KDM4C: variants seen among roughly 807,000 people sequenced by gnomAD.
KDM4C encodes lysine demethylase 4C.
A neutral mutation model predicts 129.3 loss-of-function variants in KDM4C; 81 were observed. The observed-to-expected ratio is 0.63, with a 90% CI of 0.52 to 0.75. KDM4C has a LOEUF of 0.75. Ranked by LOEUF, KDM4C falls within the 30% of genes least tolerant of loss-of-function variation. The probability of loss-of-function intolerance (pLI) is 0.00; values close to 1 mark genes in which losing one functional copy is unlikely to be tolerated. For synonymous variants in KDM4C, 573 were observed against 456.1 expected (o/e 1.26, Z -3.26); for missense variants, 1,457 against 1,304.0 (o/e 1.12, Z -1.81).
intron 8 of KDM4C, among the ~76,000 whole-genome samples, chr9:6,946,331 C>A (rs58770900): frequency 0.016 from 2,510 of 152,152 alleles, 72 homozygotes; most frequent in African/African-American, 0.058. Flanking sequence ...TGACACACCT[C>A]CGTGACATTT....
At chr9:6,919,218 T>TTTCTTTCTTTCTTTCTTTCTTTCTTTC (rs1563811978) in intron 8 of KDM4C, among the ~76,000 whole-genome samples, 4 of 75,988 alleles carry the variant, frequency 5.3e-5, no homozygotes, top group South Asian at 4.1e-4. Flanking sequence ...TGAATTTTCT[T>TTTCTTTCTTTCTTTCTTTCTTTCTTTC]TTTCCTTCTT....
intron 8 of KDM4C, among the ~76,000 whole-genome samples, chr9:6,909,665 T>G (rs1311388728): frequency 1.3e-5 from 2 of 152,214 alleles, no homozygotes; most frequent in Non-Finnish European, 2.9e-5. Flanking sequence ...TGGCAGACTT[T>G]GTAAAAACAT....
chr9:6,757,854 C>G, upstream of KDM4C: 2 of 985,590 alleles, frequency 2.0e-6, no homozygotes, highest in Non-Finnish European at 2.4e-6. Flanking sequence ...AACCACAGCG[C>G]GGAAGTTGAG....
intron 16 of KDM4C, among the ~76,000 whole-genome samples, chr9:7,047,257 A>T (rs1829536172): frequency 6.6e-6 from 1 of 152,090 alleles, no homozygotes; most frequent in Non-Finnish European, 1.5e-5. Flanking sequence ...TGGTCTGTTA[A>T]AACAGGGCAT....
At chr9:6,798,446 C>G (rs1010710270) in intron 2 of KDM4C, among the ~76,000 whole-genome samples, 4 of 151,934 alleles carry the variant, frequency 2.6e-5, no homozygotes, top group South Asian at 2.1e-4. Context: ...TGACTCTTAA[C>G]GAGCATGCTG....
chr9:7,139,140 T>C (rs1841501165), intron 19 of KDM4C, among the ~76,000 whole-genome samples: 1 of 152,028 alleles, frequency 6.6e-6, no homozygotes, highest in Non-Finnish European at 1.5e-5. Context: ...CCAGGCATGG[T>C]GGTATGCATC....
chr9:7,110,277 C>T (rs751789124), intron 18 of KDM4C, among the ~76,000 whole-genome samples: 7 of 152,154 alleles, frequency 4.6e-5, no homozygotes, highest in Admixed American at 3.3e-4. Context: ...GAAAGGTGCA[C>T]ATTACCATGT....
chr9:7,151,421 C>G (rs909783220), intron 19 of KDM4C, among the ~76,000 whole-genome samples: 2 of 148,372 alleles, frequency 1.3e-5, no homozygotes, highest in African/African-American at 2.5e-5. Flanking sequence ...GCCAGGCGTG[C>G]TGGCTCACAC....
intron 1 of KDM4C, among the ~76,000 whole-genome samples, chr9:6,780,357 A>G (rs1824053984): frequency 8.1e-6 from 1 of 122,768 alleles, no homozygotes; most frequent in Non-Finnish European, 1.8e-5. Context: ...GGGAATTATA[A>G]CAGTAAAAAG....
At chr9:6,730,687 G>C (rs1364728524) in intron 1 of KDM4C, among the ~76,000 whole-genome samples, 1 of 151,868 alleles carries the variant, frequency 6.6e-6, no homozygotes, top group Non-Finnish European at 1.5e-5. Flanking sequence ...GTAGCCCCCA[G>C]AATCACAGCA....
At chr9:6,903,159 C>T (rs966921436) in intron 8 of KDM4C, among the ~76,000 whole-genome samples, 5 of 152,016 alleles carry the variant, frequency 3.3e-5, no homozygotes, top group Admixed American at 3.3e-4. Context: ...TTTTGTAAGG[C>T]CTGATAATCA....
At chr9:6,792,147 C>G (rs936235343) in intron 1 of KDM4C, among the ~76,000 whole-genome samples, 6 of 151,974 alleles carry the variant, frequency 3.9e-5, no homozygotes, top group African/African-American at 1.4e-4. Context: ...TCTAGATCAG[C>G]CTGGCTAACA....
chr9:6,801,976 G>C (rs1295610577), intron 2 of KDM4C, among the ~76,000 whole-genome samples: 2 of 151,876 alleles, frequency 1.3e-5, no homozygotes, highest in Non-Finnish European at 2.9e-5. Flanking sequence ...ATGGTGGCAG[G>C]CACCTGTAAT....
chr9:6,974,548 G>A (rs570827755), intron 8 of KDM4C, among the ~76,000 whole-genome samples: 1 of 152,268 alleles, frequency 6.6e-6, no homozygotes, highest in Non-Finnish European at 1.5e-5. Flanking sequence ...AGTAGAGACG[G>A]AGTTTCACCA....
intron 1 of KDM4C, among the ~76,000 whole-genome samples, chr9:6,770,767 CTTTTTTT>C (rs753670348): frequency 1.2e-5 from 1 of 81,764 alleles, no homozygotes; most frequent in Non-Finnish European, 2.5e-5. Flanking sequence ...GATTTTGATC[CTTTTTTT>C]TTTTTTTTTT....
chr9:7,008,658 A>G (rs1822128247), intron 12 of KDM4C, among the ~76,000 whole-genome samples: 1 of 152,212 alleles, frequency 6.6e-6, no homozygotes, highest in Non-Finnish European at 1.5e-5. Context: ...CACCAGTGGA[A>G]TGTTGGTGCC....
chr9:7,069,233 AAAT>A (rs1832873203), intron 17 of KDM4C, among the ~76,000 whole-genome samples: 1 of 152,214 alleles, frequency 6.6e-6, no homozygotes, highest in Non-Finnish European at 1.5e-5. Flanking sequence ...AATGATGTTA[AAAT>A]AATGATGAAT....
intron 17 of KDM4C, among the ~76,000 whole-genome samples, chr9:7,072,421 C>G (rs554139390): frequency 1.3e-5 from 2 of 152,242 alleles, no homozygotes; most frequent in South Asian, 4.1e-4. Context: ...TACCTTCATA[C>G]AATATAATGC....
intron 19 of KDM4C, among the ~76,000 whole-genome samples, chr9:7,137,414 A>G (rs1460845395): frequency 6.6e-6 from 1 of 152,358 alleles, no homozygotes; most frequent in East Asian, 1.9e-4. Flanking sequence ...ATCACTTCAC[A>G]TCGTAATATC....
Sources: gnomAD v4.1 joint callset for allele counts (sites outside exome capture counted in the v4.1 genomes callset) on GRCh38, gnomAD v4.1.1 for gene constraint, MANE v1.5 for transcripts, NCBI Gene and HGNC (gene_info 2026-07-23, HGNC 2026-07-21) for gene names.